The following TLK1 variants were observed in gnomAD, a reference collection of about 807,000 sequenced individuals.
TLK1 encodes the protein tousled like kinase 1.
In TLK1, 24 loss-of-function variants were observed where a neutral mutation model predicts 105.3. The observed-to-expected ratio is 0.23, with a 90% CI of 0.17 to 0.32. The LOEUF (loss-of-function observed/expected upper bound fraction) is 0.32, where lower values mean the gene tolerates loss of function less well. Among genes scored for constraint, TLK1 ranks in the 10% least tolerant of loss-of-function variants. The pLI is 1.00. For missense variants in TLK1, 558 were observed against 910.5 expected (o/e 0.61, Z 4.98); for synonymous variants, 321 against 310.4 (o/e 1.03, Z -0.36).
intron 1 of TLK1, among the ~76,000 whole-genome samples, chr2:171,203,159 T>A (rs1693435179): frequency 6.6e-6 from 1 of 152,328 alleles, no homozygotes; most frequent in South Asian, 2.1e-4. Context: ...GGTGAGAGCA[T>A]AATTTTTAAA....
intron 1 of TLK1, among the ~76,000 whole-genome samples, chr2:171,157,672 CATA>C (rs2105608436): frequency 6.6e-6 from 1 of 152,216 alleles, no homozygotes; most frequent in South Asian, 2.1e-4. Context: ...ATAATCAGAT[CATA>C]ATCTTAGGTT....
intron 3 of TLK1, among the ~76,000 whole-genome samples, chr2:171,079,178 C>T (rs1042317180): frequency 1.3e-5 from 2 of 152,184 alleles, no homozygotes; most frequent in Admixed American, 1.3e-4. Flanking sequence ...TAAAAGCAAA[C>T]ACATATCCTA....
intron 1 of TLK1, among the ~76,000 whole-genome samples, chr2:171,227,783 CAA>C (rs1693929728): frequency 6.6e-6 from 1 of 151,868 alleles, no homozygotes; most frequent in Non-Finnish European, 1.5e-5. Flanking sequence ...TACATTTTCC[CAA>C]AGAGTCTGAA....
Position 170,992,588 on chromosome 2 carries a change from A to G in TLK1, c.*1192T>C, listed in dbSNP as rs1225534301. 1.3e-5 allele frequency: 2 copies of G among 152,606 alleles called. No homozygotes were observed. The highest frequency in any genetic ancestry group is 2.4e-5 in the African/African-American group (1 of 41,456). The allele number at this position is 152,606 out of a possible 1,614,324, so 9.5% of individuals were successfully genotyped here. ...TGAACAAATTAAAAATCTAGTATCT[A>G]TGTGTTCTACAGCCCTAGAACCCAA... On this transcript the variant is annotated 3_prime_UTR_variant, in exon 21 of 21. Transcript: ENST00000431350.
chr2:171,154,675 T>C (rs1692167484), intron 1 of TLK1, among the ~76,000 whole-genome samples: 1 of 152,210 alleles, frequency 6.6e-6, no homozygotes, highest in South Asian at 2.1e-4. Context: ...TTCTCCCCTA[T>C]ACCATACTGC....
At position 171,055,121 on chromosome 2, in the gene TLK1, T is replaced by C. The variant is rs745661295; in HGVS notation, c.601A>G (p.Ile201Val). 4 of 1,504,018 alleles carry C rather than the reference T, an allele frequency of 2.7e-6. No individual in the cohort carries two copies. The highest frequency in any genetic ancestry group is 2.3e-5 in the Admixed American group (1 of 43,398). The allele number at this position is 1,504,018 out of a possible 1,614,324, so 93.2% of individuals were successfully genotyped here. ...PTALAFGDHPIVQPKQLSFKI... is the reference protein window; with the variant it reads ...PTALAFGDHPVVQPKQLSFKI... ...AAGGATAATTGCTTTGGTTGTACAA[T>C]AGGGTGGTCCCCAAATGCTAATGCA... is the stretch of plus-strand genomic sequence containing the variant. Residue 201 changes from isoleucine (I) to valine (V), a missense_variant, in exon 7 of 21, where the codon ATT becomes GTT. This residue lies in a region of TLK1 where 196 missense variants were observed against 239.3 expected (regional missense o/e 0.82). Coordinates refer to ENST00000431350, the MANE Select transcript of TLK1 (RefSeq NM_012290.5).
At chr2:171,173,821 C>T (rs1692772749) in intron 1 of TLK1, among the ~76,000 whole-genome samples, 1 of 152,166 alleles carries the variant, frequency 6.6e-6, no homozygotes, top group Non-Finnish European at 1.5e-5. Flanking sequence ...CCTATATTCA[C>T]TATCTTGGGT....
At chr2:171,080,212 A>G (rs1283601323) in intron 3 of TLK1, among the ~76,000 whole-genome samples, 1 of 151,474 alleles carries the variant, frequency 6.6e-6, no homozygotes, top group East Asian at 1.9e-4. Flanking sequence ...AAAAAAAAAA[A>G]AGTAATAAAC....
At chr2:171,215,844 C>T (rs886903211) in intron 1 of TLK1, among the ~76,000 whole-genome samples, 4 of 152,114 alleles carry the variant, frequency 2.6e-5, no homozygotes, top group East Asian at 3.9e-4. Flanking sequence ...CGCGGTGGAA[C>T]GCTTTATTCC....
At chr2:171,112,080 T>C (rs1329914002) in intron 2 of TLK1, among the ~76,000 whole-genome samples, 8 of 152,166 alleles carry the variant, frequency 5.3e-5, no homozygotes, top group Admixed American at 3.9e-4. Context: ...GCCTCCCAAG[T>C]AGCTGGGACT....
intron 1 of TLK1, among the ~76,000 whole-genome samples, chr2:171,134,438 T>C (rs1412064353): frequency 6.6e-6 from 1 of 152,224 alleles, no homozygotes; most frequent in Non-Finnish European, 1.5e-5. Flanking sequence ...TATTAAAATA[T>C]AGTTGGCTAA....
At chr2:171,036,945 G>C (rs1363752154) in intron 11 of TLK1, among the ~76,000 whole-genome samples, 2 of 152,026 alleles carry the variant, frequency 1.3e-5, no homozygotes, top group Non-Finnish European at 2.9e-5. Flanking sequence ...CTTTAAAAAA[G>C]GCTAGATTTA....
chr2:171,155,810 G>T (rs944728221), intron 1 of TLK1: 1 of 152,046 alleles, frequency 6.6e-6, no homozygotes, highest in African/African-American at 2.4e-5. Flanking sequence ...CTTACATTCT[G>T]GTAAAAAATT....
At position 171,146,187 on chromosome 2, in the gene TLK1, A is replaced by T. The variant is rs1390821562; in HGVS notation, c.139+14103T>A. Among the ~76,000 whole-genome samples, 5 of 152,230 alleles carry T rather than the reference A, an allele frequency of 3.3e-5. No homozygotes were observed. In the East Asian group the frequency reaches 7.7e-4, roughly 23 times the overall value. On this transcript the variant is annotated intron_variant, in intron 1 of 20. Coordinates refer to ENST00000431350, the MANE Select transcript of TLK1 (RefSeq NM_012290.5). ...TAAAGTATCATAAAGAGCCAGTCATACTGAAGTGTGCCTGAAGTCCTAGCT... is the reference window on the plus strand; with the variant it reads ...TAAAGTATCATAAAGAGCCAGTCATTCTGAAGTGTGCCTGAAGTCCTAGCT...
chr2:171,182,037 C>T (rs772821069), intron 1 of TLK1, among the ~76,000 whole-genome samples: 4 of 152,186 alleles, frequency 2.6e-5, no homozygotes, highest in African/African-American at 4.8e-5. Context: ...GCTTTTCACT[C>T]CTATACCTGA....
chr2:171,222,327 T>TTTTATTTA (rs555608792), intron 1 of TLK1, among the ~76,000 whole-genome samples: 2 of 152,080 alleles, frequency 1.3e-5, no homozygotes, highest in Non-Finnish European at 2.9e-5. Context: ...CCTAATTCTT[T>TTTTATTTA]TTTATTTATT....
At chr2:171,001,629 C>T (rs1684379874) in intron 18 of TLK1, among the ~76,000 whole-genome samples, 1 of 152,206 alleles carries the variant, frequency 6.6e-6, no homozygotes, top group African/African-American at 2.4e-5. Flanking sequence ...CCTGTCCCTT[C>T]CTACATCAAA....
intron 11 of TLK1, among the ~76,000 whole-genome samples, chr2:171,041,074 G>T (rs1686652543): frequency 6.6e-6 from 1 of 152,106 alleles, no homozygotes; most frequent in Non-Finnish European, 1.5e-5. Context: ...TGGTTAAAAT[G>T]TATTAGTAAA....
At chr2:171,067,005 T>C (rs939648312) in intron 3 of TLK1, 17 of 1,503,144 alleles carry the variant, frequency 1.1e-5, no homozygotes, top group South Asian at 5.4e-5. Flanking sequence ...CTCACAACTT[T>C]TGACCCATTG....
Sources: allele counts gnomAD v4.1 joint callset (sites outside exome capture counted in the v4.1 genomes callset), GRCh38; gene constraint gnomAD v4.1.1; regional missense constraint gnomAD v4.1.1; transcripts MANE v1.5; gene names NCBI Gene and HGNC (gene_info 2026-07-23, HGNC 2026-07-21).